RELL1: variants seen among roughly 807,000 people sequenced by gnomAD.
RELL1 encodes the protein RELT like 1.
Under a neutral mutation model 23.0 loss-of-function variants are expected in RELL1, and 10 were observed. The ratio of observed to expected loss-of-function variants is 0.43; its 90% confidence interval spans 0.27 to 0.74. The LOEUF is 0.74. Among genes scored for constraint, RELL1 ranks in the 30% least tolerant of loss-of-function variants. The pLI is 0.19. For missense variants in RELL1, 315 were observed against 364.4 expected, an observed-to-expected ratio of 0.86 and a Z score of 1.10; for synonymous variants, 146 against 146.8, an observed-to-expected ratio of 0.99 and a Z score of 0.04.
intron 6 of RELL1, among the ~76,000 whole-genome samples, chr4:37,597,770 G>T (rs1718904145): frequency 6.6e-6 from 1 of 152,142 alleles, no homozygotes; most frequent in Admixed American, 6.5e-5. Flanking sequence ...ATTTACAGGG[G>T]CTGGGTGCCG....
intron 1 of RELL1, among the ~76,000 whole-genome samples, chr4:37,654,008 C>A (rs1480876899): frequency 6.6e-6 from 1 of 152,182 alleles, no homozygotes; most frequent in Non-Finnish European, 1.5e-5. Context: ...TTTTCACCCA[C>A]TAAGCTTTGG....
At chr4:37,633,358 G>A (rs981471779) in intron 5 of RELL1, among the ~76,000 whole-genome samples, 3 of 135,418 alleles carry the variant, frequency 2.2e-5, no homozygotes, top group Admixed American at 8.1e-5. Flanking sequence ...GCAGTGAGCC[G>A]AGTTCACACC....
downstream of RELL1, among the ~76,000 whole-genome samples, chr4:37,586,505 C>T (rs1281216194): frequency 2.6e-5 from 4 of 152,076 alleles, no homozygotes; most frequent in Admixed American, 2.0e-4. Context: ...ATGAGTCCTC[C>T]CAGGAAGAGT....
chr4:37,655,260 T>TAA (rs978459247), intron 1 of RELL1, among the ~76,000 whole-genome samples: 1 of 144,134 alleles, frequency 6.9e-6, no homozygotes, highest in Non-Finnish European at 1.6e-5. Context: ...TATATATATA[T>TAA]AAAAAGCAAG....
intron 6 of RELL1, chr4:37,591,804 A>T (rs1183284971): frequency 6.6e-6 from 1 of 152,222 alleles, no homozygotes; most frequent in Non-Finnish European, 1.5e-5. Context: ...TAAATGTCTG[A>T]TTCCAATTAA....
At chr4:37,665,902 T>C (rs890575764) in intron 1 of RELL1, among the ~76,000 whole-genome samples, 10 of 152,066 alleles carry the variant, frequency 6.6e-5, no homozygotes, top group African/African-American at 2.2e-4. Flanking sequence ...GAATAGGACA[T>C]AAACTAATCA....
chr4:37,625,707 A>G (rs1719913945), intron 6 of RELL1, among the ~76,000 whole-genome samples: 1 of 152,232 alleles, frequency 6.6e-6, no homozygotes, highest in African/African-American at 2.4e-5. Context: ...TGGTGGCTAC[A>G]GTTAATAACA....
At chr4:37,600,548 G>T (rs1044906564) in intron 6 of RELL1, among the ~76,000 whole-genome samples, 3 of 152,086 alleles carry the variant, frequency 2.0e-5, no homozygotes, top group African/African-American at 7.2e-5. Flanking sequence ...TTTAACAATT[G>T]TAGAACACAC....
chr4:37,653,033 G>T (rs1167119866), intron 1 of RELL1, among the ~76,000 whole-genome samples: 1 of 152,084 alleles, frequency 6.6e-6, no homozygotes, highest in East Asian at 1.9e-4. Flanking sequence ...TTACAAGATG[G>T]CCCTGGGAAA....
chr4:37,649,693 C>T (rs1422380856), intron 1 of RELL1, among the ~76,000 whole-genome samples, 193 bp from the exon 2 acceptor site: 1 of 152,228 alleles, frequency 6.6e-6, no homozygotes, highest in Non-Finnish European at 1.5e-5. Flanking sequence ...AACTCTGCTA[C>T]TCATGAACCA....
chr4:37,596,732 ATATATTTTTTTT>A (rs1718866780), intron 6 of RELL1, among the ~76,000 whole-genome samples: 3 of 17,102 alleles, frequency 1.8e-4, no homozygotes, highest in South Asian at 2.8e-3. Flanking sequence ...ATATATATAT[ATATATTTTTTTT>A]TTTTTTTTTT....
At chr4:37,590,304 G>T (rs139532209), downstream of RELL1, 3 of 1,613,664 alleles carry the variant, frequency 1.9e-6, no homozygotes, top group African/African-American at 2.7e-5. Context: ...ACCAAGGGCC[G>T]CTCCCACAGG....
In RELL1 at chr4:37,635,008, C is replaced by G. The variant is rs1720270739; in HGVS notation, c.559G>C (p.Val187Leu). Residue 187 changes from valine to leucine, a missense_variant, in exon 5 of 7, where the codon GTC becomes CTC. Transcript: ENST00000454158. ...CACCGATGACACACATCCCTCTCGA[C>G]AACACCGCCCACCGTATGCAGATGA... is the stretch of plus-strand genomic sequence containing the variant. Reference protein sequence around the residue: ...GHHLHTVGGVVERDVCHRCRH... With the variant: ...GHHLHTVGGVLERDVCHRCRH... 1.2e-6 allele frequency: 2 copies of G among 1,614,196 alleles called. No individual in the cohort carries two copies. Among genetic ancestry groups the G allele is most frequent in the Non-Finnish European group, 1.7e-6 (2 of 1,180,042 alleles).
chr4:37,603,273 C>A lies in RELL1; in HGVS notation c.*4-12056G>T, dbSNP rs142652022. Among the ~76,000 whole-genome samples, 461 of 152,290 alleles carry A rather than the reference C, an allele frequency of 3.0e-3. 1 individual carries two copies. Among genetic ancestry groups the A allele is most frequent in the Middle Eastern group, 6.8e-3 (2 of 294 alleles). ...CGTGGGCAGCCACACCACCCCCTGGCCACGCCACAAAATGCCCAAGACAAA... is the reference window on the plus strand; with the variant it reads ...CGTGGGCAGCCACACCACCCCCTGGACACGCCACAAAATGCCCAAGACAAA... On this transcript the variant is annotated intron_variant, in intron 6 of 6. Transcript: ENST00000314117.
At chr4:37,609,534 G>A (rs138896650), downstream of RELL1, among the ~76,000 whole-genome samples, 18 of 152,316 alleles carry the variant, frequency 1.2e-4, no homozygotes, top group African/African-American at 2.9e-4. Flanking sequence ...GGCTACAGCC[G>A]CCGTAGACAG....
intron 1 of RELL1, among the ~76,000 whole-genome samples, chr4:37,678,923 T>C (rs952787576): frequency 7.2e-5 from 11 of 152,092 alleles, no homozygotes; most frequent in Non-Finnish European, 1.2e-4. Flanking sequence ...GAGGATCAGG[T>C]AGGGCTGGCA....
intron 1 of RELL1, among the ~76,000 whole-genome samples, chr4:37,667,704 TAA>T (rs1242445020): frequency 3.3e-5 from 5 of 151,660 alleles, no homozygotes; most frequent in Admixed American, 2.0e-4. Context: ...AAGGTACATT[TAA>T]AAGTTACGTT....
chr4:37,686,367 C>A lies in RELL1; in HGVS notation c.-80G>T, dbSNP rs995795757. Reference sequence around the variant, plus strand: ...GCAGAGCCGCTCCGGAGCCGGCGGGCTGATCGAGTGGCTGGGCTGGGCCCC... The same window carrying A: ...GCAGAGCCGCTCCGGAGCCGGCGGGATGATCGAGTGGCTGGGCTGGGCCCC... On this transcript the variant is annotated 5_prime_UTR_variant, in exon 1 of 7. Coordinates refer to ENST00000454158, the MANE Select transcript of RELL1 (RefSeq NM_001085400.2). 2.6e-4 allele frequency: 299 copies of A among 1,146,074 alleles called. 1 individual carries two copies. The African/African-American group carries it at 4.6e-3, about 18-fold the overall frequency. 71.0% of individuals were successfully genotyped at this position (1,146,074 alleles called of 1,614,324 possible).
chr4:37,639,679 C>A (rs1372142986), intron 3 of RELL1, among the ~76,000 whole-genome samples: 1 of 152,208 alleles, frequency 6.6e-6, no homozygotes, highest in African/African-American at 2.4e-5. Context: ...ATTTAATTGG[C>A]AAGGCCAAAT....
Sources: allele counts gnomAD v4.1 joint callset (sites outside exome capture counted in the v4.1 genomes callset), GRCh38; gene constraint gnomAD v4.1.1; transcripts MANE v1.5; gene names NCBI Gene and HGNC (gene_info 2026-07-23, HGNC 2026-07-21).